Variants in SSC5D observed in about 807,000 individuals in gnomAD.
SSC5D encodes scavenger receptor cysteine rich family member with 5 domains, also known as soluble scavenger receptor cysteine-rich domain-containing protein SSC5D.
A neutral mutation model predicts 104.6 loss-of-function variants in SSC5D; 106 were observed. That is an observed-to-expected ratio of 1.01 (90% CI 0.87 to 1.19). SSC5D has a LOEUF of 1.19. Ranked by LOEUF, SSC5D falls within the 50% of genes most tolerant of loss-of-function variation. SSC5D has a pLI of 0.00. For synonymous variants in SSC5D, 860 were observed against 883.5 expected (o/e 0.97, Z 0.47); for missense variants, 1,993 against 2,153.8 (o/e 0.93, Z 1.48).
rs771594344 is a variant in SSC5D at position 55,517,405 on chromosome 19, C to T, written c.3129C>T (p.Asp1043=). ...CCTTGACGTCCGAGGCGACCTCTGACGCTCCGGACACTTCACCACCCACCC... is the reference window on the plus strand; with the variant it reads ...CCTTGACGTCCGAGGCGACCTCTGATGCTCCGGACACTTCACCACCCACCC... ...HSALTSEATS[D]APDTSPPTPD... Residue 1043 remains aspartate, a synonymous_variant, in exon 14 of 14, where the codon GAC becomes GAT. Transcript: ENST00000389623. 1.9e-6 allele frequency: 3 copies of T among 1,550,822 alleles called. No individual in the cohort carries two copies. The highest frequency in any genetic ancestry group is 1.2e-5 in the South Asian group (1 of 84,056).
In SSC5D at chr19:55,503,828, T is replaced by C. The variant is rs1324277809; in HGVS notation, c.2785+2627T>C. ...AGCGTCCTTTCCCGCCTTTTTTTTT[T>C]CTGGCGCTCAGCACGCATGCGCAGG... On this transcript the variant is annotated intron_variant, in intron 12 of 13. Coordinates refer to ENST00000389623, the MANE Select transcript of SSC5D (RefSeq NM_001144950.2). This position sits in a 1 kb window ranked among gnomAD's most constrained non-coding sequence, Gnocchi z 4.0. Among the ~76,000 whole-genome samples, 3 of 149,802 alleles carry C rather than the reference T, an allele frequency of 2.0e-5. No homozygotes were observed. The highest frequency in any genetic ancestry group is 2.0e-4 in the East Asian group (1 of 5,008).
intron 8 of SSC5D, among the ~76,000 whole-genome samples, chr19:55,495,233 A>ATATATATATATTT (rs1555765051): frequency 3.9e-5 from 2 of 50,668 alleles, no homozygotes; most frequent in African/African-American, 9.8e-5. Context: ...ATATATATAT[A>ATATATATATATTT]TTTTTTTTTT....
Position 55,498,063 on chromosome 19 carries a change from G to C in SSC5D, c.1571G>C (p.Gly524Ala), listed in dbSNP as rs1295249865. 7.7e-6 allele frequency: 12 copies of C among 1,551,676 alleles called. No homozygotes were observed. The highest frequency in any genetic ancestry group is 1.0e-5 in the Non-Finnish European group (12 of 1,146,962). The change falls in exon 9 of 14, where the codon GGC (glycine) becomes GCC (alanine). Residue 524 changes from glycine to alanine, a missense_variant. Physicochemically the swap from Gly to Ala is moderately conservative, Grantham distance 60 (BLOSUM62 0). Around this residue, in one of 6 missense-constraint regions of SSC5D, gnomAD observed 1,101 missense variants for 1,085.0 expected, o/e 1.01. Coordinates refer to ENST00000389623, the MANE Select transcript of SSC5D (RefSeq NM_001144950.2). ...QQPDPAAGRF[G>A]WGAGPIWLDD... ...CCAGACCCTGCTGCTGGCCGCTTTG[G>C]CTGGGGTGCGGGCCCCATCTGGCTA...
chr19:55,499,029 A>G (rs1190851004), intron 9 of SSC5D, among the ~76,000 whole-genome samples: 2 of 152,210 alleles, frequency 1.3e-5, no homozygotes, highest in Non-Finnish European at 2.9e-5. Context: ...CACATGAGGA[A>G]CTGCCAACTA....
At chr19:55,517,196 C>T (rs965892967) in intron 13 of SSC5D, 28 bp from the exon 14 acceptor site, 7 of 1,521,982 alleles carry the variant, frequency 4.6e-6, no homozygotes, top group East Asian at 2.4e-5. Flanking sequence ...GACCTCAGAC[C>T]GTCCGTCTGT....
chr19:55,490,019 CAACCCCCACCCAGCGTGCCCTCCTG>C (rs1320954583), intron 4 of SSC5D, 24 bp downstream of exon 4: 2 of 1,514,772 alleles, frequency 1.3e-6, no homozygotes, highest in South Asian at 2.4e-5. Flanking sequence ...ACTGCCCTGC[CAACCCCCACCCAGCGTGCCCTCCTG>C]CCCCCCCCGA....
chr19:55,507,657 C>A (rs1987665287), intron 12 of SSC5D, among the ~76,000 whole-genome samples: 1 of 121,052 alleles, frequency 8.3e-6, no homozygotes, highest in Non-Finnish European at 1.7e-5. Flanking sequence ...CAGAGCGAGA[C>A]TCCGTCTCAA....
rs765727100 is a variant in SSC5D, at chr19:55,490,320, C to G, written c.498C>G (p.Pro166=). 1 of 1,439,986 alleles carries G rather than the reference C, an allele frequency of 6.9e-7. No individual in the cohort carries two copies. Among genetic ancestry groups the G allele is most frequent in the Non-Finnish European group, 9.5e-7 (1 of 1,049,722 alleles). 89.2% of individuals were successfully genotyped at this position (1,439,986 alleles called of 1,614,324 possible). ...CAGCCCCCCGCCCAGCTGGGAACCCCCAGAACGCCTCCCGGAAGAAGAGCC... is the reference window on the plus strand; with the variant it reads ...CAGCCCCCCGCCCAGCTGGGAACCCGCAGAACGCCTCCCGGAAGAAGAGCC... ...VTHAPRPAGN[P]QNASRKKSPR... is the part of the protein sequence containing the mutation. The change falls in exon 5 of 14, where the codon CCC becomes CCG. Residue 166 remains proline (P), a synonymous_variant. Transcript: ENST00000389623.
In SSC5D at chr19:55,489,406, C is replaced by G; in HGVS notation, c.105C>G (p.Val35=). ...ATGGGTGCGCTGGCCGCCTGGAGGT[C>G]TGGCATGGCGGGCGCTGGGGCACCG... The part of the protein sequence containing the change: ...GPHGCAGRLE[V]WHGGRWGTVC... Residue 35 remains valine (V), a synonymous_variant, in exon 3 of 14, where the codon GTC becomes GTG. Transcript: ENST00000389623. 2.0e-6 allele frequency: 3 copies of G among 1,490,284 alleles called. No homozygotes were observed. The highest frequency in any genetic ancestry group is 2.7e-6 in the Non-Finnish European group (3 of 1,126,970). The allele number at this position is 1,490,284 out of a possible 1,614,324, so 92.3% of individuals were successfully genotyped here.
intron 12 of SSC5D, among the ~76,000 whole-genome samples, chr19:55,505,352 G>T (rs1203043296): frequency 1.3e-5 from 2 of 151,760 alleles, no homozygotes; most frequent in Non-Finnish European, 1.5e-5. Flanking sequence ...GGAGAAATTT[G>T]CATTGCCAGA....
chr19:55,516,341 C>CA (rs1987870122), intron 13 of SSC5D, among the ~76,000 whole-genome samples: 1 of 152,052 alleles, frequency 6.6e-6, no homozygotes, highest in Admixed American at 6.5e-5. Flanking sequence ...ACTAAAAATA[C>CA]AAAAAATTAG....
intron 12 of SSC5D, 89 bp downstream of exon 12, chr19:55,501,290 G>T: frequency 7.1e-7 from 1 of 1,417,210 alleles, no homozygotes; most frequent in Non-Finnish European, 9.3e-7. Flanking sequence ...CCTTCTCAAT[G>T]AGCTGGCTGA....
intron 12 of SSC5D, chr19:55,504,241 G>A (rs561552981): frequency 3.3e-6 from 5 of 1,525,900 alleles, no homozygotes; most frequent in South Asian, 1.2e-5. Context: ...AGCGGCTGCG[G>A]AGACAGCGGG....
intron 12 of SSC5D, among the ~76,000 whole-genome samples, chr19:55,504,679 T>G (rs1246255828): frequency 6.6e-6 from 1 of 152,158 alleles, no homozygotes; most frequent in Non-Finnish European, 1.5e-5. Flanking sequence ...TTTTGTATTT[T>G]TAGTAGAGAC....
Position 55,517,197 on chromosome 19 carries a change from G to A in SSC5D, c.2948-27G>A, listed in dbSNP as rs999576697. 2.6e-6 allele frequency: 4 copies of A among 1,524,006 alleles called. No homozygotes were observed. The South Asian group carries it at 3.6e-5, about 14-fold the overall frequency. The allele number at this position is 1,524,006 out of a possible 1,614,324, so 94.4% of individuals were successfully genotyped here. A position where few individuals can be genotyped will look rare whatever the true frequency, so the allele number is the denominator to read the frequency against. Reference sequence around the variant, plus strand: ...GGGCGGAGCCGGTTGACCTCAGACCGTCCGTCTGTCTTTCCTCCTCCTCCA... The same window carrying A: ...GGGCGGAGCCGGTTGACCTCAGACCATCCGTCTGTCTTTCCTCCTCCTCCA... On this transcript the variant is annotated intron_variant, in intron 13 of 13. Transcript: ENST00000389623.
At chr19:55,495,235 T>TACATATATATATA (rs35787509) in intron 8 of SSC5D, among the ~76,000 whole-genome samples, 6 of 27,586 alleles carry the variant, frequency 2.2e-4, no homozygotes, top group Admixed American at 5.9e-4. Flanking sequence ...ATATATATAT[T>TACATATATATATA]TTTTTTTTTT....
chr19:55,499,092 G>A (rs1987402707), intron 9 of SSC5D, among the ~76,000 whole-genome samples: 1 of 152,170 alleles, frequency 6.6e-6, no homozygotes, highest in African/African-American at 2.4e-5. Context: ...ACTTGGCCAC[G>A]TACATGTGGC....
chr19:55,512,683 A>T (rs1482271514), intron 12 of SSC5D, among the ~76,000 whole-genome samples: 1 of 152,028 alleles, frequency 6.6e-6, no homozygotes, highest in Non-Finnish European at 1.5e-5. Flanking sequence ...GGGTTTCTCC[A>T]TGTTGGCCAG....
chr19:55,509,409 G>T (rs1350375983), intron 12 of SSC5D, among the ~76,000 whole-genome samples: 1 of 152,136 alleles, frequency 6.6e-6, no homozygotes, highest in Non-Finnish European at 1.5e-5. Context: ...TGGGCACAAA[G>T]AGTTCACTGA....
Sources: gnomAD v4.1 joint callset for allele counts (sites outside exome capture counted in the v4.1 genomes callset) on GRCh38, gnomAD v4.1.1 for gene constraint, gnomAD v4.1.1 regional missense constraint, Gnocchi (gnomAD v3.1) non-coding constraint, MANE v1.5 for transcripts, NCBI Gene and HGNC (gene_info 2026-07-23, HGNC 2026-07-21) for gene names.